Variants in CEMIP2 observed in about 807,000 individuals in gnomAD.
CEMIP2 encodes the protein cell migration inducing hyaluronidase 2, also known as cell surface hyaluronidase CEMIP2.
A neutral mutation model predicts 146.9 loss-of-function variants in CEMIP2; 79 were observed. The ratio of observed to expected loss-of-function variants is 0.54; its 90% CI spans 0.45 to 0.65. The LOEUF (loss-of-function observed/expected upper bound fraction) is 0.65, where lower values mean the gene tolerates loss of function less well. CEMIP2 is among the 30% of genes least tolerant of loss of function. CEMIP2 has a pLI of 0.00. For missense variants in CEMIP2, 1,596 were observed against 1,696.2 expected (o/e 0.94, Z 1.04); for synonymous variants, 601 against 606.3 (o/e 0.99, Z 0.13).
At chr9:71,739,361 CAAAAAAAAA>C (rs71353516) in intron 5 of CEMIP2, among the ~76,000 whole-genome samples, 6 of 42,816 alleles carry the variant, frequency 1.4e-4, no homozygotes, top group South Asian at 1.5e-3. Flanking sequence ...GACTCTGTCT[CAAAAAAAAA>C]AAAAAAAAAA....
At position 71,700,654 on chromosome 9, in the gene CEMIP2, T is replaced by A; in HGVS notation, c.3365A>T (p.Asp1122Val). 1 of 1,600,470 alleles carries A rather than the reference T, an allele frequency of 6.2e-7. No homozygotes were observed. The highest frequency in any genetic ancestry group is 1.1e-5 in the South Asian group (1 of 88,490). ...RKQSERKFYF[D>V]SSTGLLFLYL... Reference sequence around the variant, plus strand: ...TTCACTGAATTACCCCGTGCTGGAGTCAAAATAGAATTTCCTCTCGGATTG... The same window carrying A: ...TTCACTGAATTACCCCGTGCTGGAGACAAAATAGAATTTCCTCTCGGATTG... Residue 1122 changes from aspartate to valine, a missense_variant, in exon 19 of 24, where the codon GAC becomes GTC. Physicochemically the swap from Asp to Val is radical, Grantham distance 152. Transcript: ENST00000377044.
intron 11 of CEMIP2, among the ~76,000 whole-genome samples, chr9:71,724,906 A>G (rs191233112): frequency 3.8e-4 from 58 of 152,304 alleles, no homozygotes; most frequent in Admixed American, 2.4e-3. Context: ...AACGACATTA[A>G]AGATTGGAAA....
At chr9:71,736,100 AT>A (rs1271741654) in intron 5 of CEMIP2, among the ~76,000 whole-genome samples, 1 of 152,214 alleles carries the variant, frequency 6.6e-6, no homozygotes, top group African/African-American at 2.4e-5. Context: ...TCTCAAAAAA[AT>A]AACATAAAAA....
At chr9:71,766,877 A>G (rs762050170) in intron 1 of CEMIP2, among the ~76,000 whole-genome samples, 3 of 152,226 alleles carry the variant, frequency 2.0e-5, no homozygotes, top group African/African-American at 4.8e-5. Flanking sequence ...AAGCCAGAAG[A>G]CAGATTTCCA....
intron 7 of CEMIP2, 85 bp downstream of exon 7, chr9:71,732,266 T>C (rs1300841947): frequency 1.5e-6 from 2 of 1,374,898 alleles, no homozygotes; most frequent in African/African-American, 2.9e-5. Context: ...TATCCATTTA[T>C]ATCTTGTTCC....
intron 21 of CEMIP2, 119 bp from the exon 22 acceptor site, chr9:71,690,365 A>G: frequency 1.6e-6 from 2 of 1,281,106 alleles, no homozygotes; most frequent in Non-Finnish European, 2.1e-6. Context: ...TATATTTCCA[A>G]GATTCAAATT....
Position 71,725,683 on chromosome 9 carries a change from G to A in CEMIP2, c.2076C>T (p.His692=), listed in dbSNP as rs1425949699. 1.9e-6 allele frequency: 3 copies of A among 1,613,752 alleles called. No homozygotes were observed. The highest frequency in any genetic ancestry group is 2.5e-6 in the Non-Finnish European group (3 of 1,179,872). The part of the protein sequence containing the change: ...SQDAGIWYLF[H]KEPTGESSGL... ...CACTGGATTCCCCAGTTGGTTCCTT[G>A]TGGAATAAATACCATATTCCAGCAT... The change falls in exon 11 of 24, where the codon CAC becomes CAT. Residue 692 remains histidine (H), a synonymous_variant. Transcript: ENST00000377044.
At chr9:71,743,522 C>T (rs1337910585) in intron 4 of CEMIP2, among the ~76,000 whole-genome samples, 2 of 152,192 alleles carry the variant, frequency 1.3e-5, no homozygotes, top group Non-Finnish European at 2.9e-5. Context: ...CTACACAGCA[C>T]GCTCCCGAAC....
At chr9:71,737,567 A>G (rs1380823238) in intron 5 of CEMIP2, among the ~76,000 whole-genome samples, 3 of 152,172 alleles carry the variant, frequency 2.0e-5, no homozygotes, top group African/African-American at 7.2e-5. Flanking sequence ...AAAAAAAATT[A>G]TAGACATGGT....
intron 1 of CEMIP2, among the ~76,000 whole-genome samples, chr9:71,757,956 C>G (rs1198278389): frequency 6.6e-6 from 1 of 152,180 alleles, no homozygotes; most frequent in East Asian, 1.9e-4. Context: ...GTGACCAATA[C>G]TCTCAAGAAG....
intron 10 of CEMIP2, among the ~76,000 whole-genome samples, chr9:71,728,839 G>GTGTC (rs1554684994): frequency 5.3e-5 from 8 of 151,670 alleles, no homozygotes; most frequent in Non-Finnish European, 1.0e-4. Context: ...GTGTGTGTGT[G>GTGTC]TGTTTTTATT....
intron 20 of CEMIP2, among the ~76,000 whole-genome samples, 165 bp from the exon 21 acceptor site, chr9:71,694,772 G>C (rs1275600128): frequency 2.0e-5 from 3 of 152,074 alleles, no homozygotes; most frequent in African/African-American, 7.2e-5. Context: ...TCTTAACACA[G>C]TAAGTATATA....
intron 22 of CEMIP2, chr9:71,686,084 C>T (rs1001381787): frequency 1.8e-5 from 8 of 443,548 alleles, no homozygotes; most frequent in Admixed American, 3.7e-5. Flanking sequence ...CATTTACGTA[C>T]GTTCACCTAG....
intron 5 of CEMIP2, among the ~76,000 whole-genome samples, chr9:71,739,241 G>A (rs1823845852): frequency 6.6e-6 from 1 of 151,070 alleles, no homozygotes; most frequent in Admixed American, 6.6e-5. Context: ...ATTATCCCCT[G>A]TCTAGAATAC....
chr9:71,742,466 C>G (rs188323595), intron 4 of CEMIP2, among the ~76,000 whole-genome samples: 14 of 152,234 alleles, frequency 9.2e-5, no homozygotes, highest in African/African-American at 2.9e-4. Context: ...TTCAGCGCAC[C>G]AGAACATTAT....
At chr9:71,705,535 A>C (rs1295752039) in intron 17 of CEMIP2, among the ~76,000 whole-genome samples, 1 of 152,084 alleles carries the variant, frequency 6.6e-6, no homozygotes, top group African/African-American at 2.4e-5. Context: ...TTTAATCTAC[A>C]ATACTTCTGT....
chr9:71,768,828 G>A (rs1014180938), upstream of CEMIP2: 5 of 150,244 alleles, frequency 3.3e-5, no homozygotes, highest in Admixed American at 6.6e-5. Context: ...GCCGCGGCTT[G>A]CTAGGGTCGC....
At chr9:71,746,401 C>A (rs12335662) in intron 2 of CEMIP2, 60 bp from the exon 3 acceptor site, 3 of 1,587,090 alleles carry the variant, frequency 1.9e-6, no homozygotes, top group Non-Finnish European at 2.6e-6. Context: ...ATAGCCGAAT[C>A]TAAGCACTAC....
intron 20 of CEMIP2, among the ~76,000 whole-genome samples, chr9:71,697,141 T>A (rs565295087): frequency 8.3e-4 from 127 of 152,322 alleles, no homozygotes; most frequent in African/African-American, 3.1e-3. Context: ...CTCAGTAGGA[T>A]GAGGGTTGGG....
Sources: gnomAD v4.1 joint callset for allele counts (sites outside exome capture counted in the v4.1 genomes callset) on GRCh38, gnomAD v4.1.1 for gene constraint, MANE v1.5 for transcripts, NCBI Gene and HGNC (gene_info 2026-07-23, HGNC 2026-07-21) for gene names.